CPAP: variants seen among roughly 807,000 people sequenced by gnomAD.
The protein encoded by CPAP is centrosomal P4.1-associated protein.
the CPAP span, among the ~76,000 whole-genome samples, chr13:24,923,244 G>GT: frequency 4.1e-3 from 593 of 146,374 alleles, 9 homozygotes; most frequent in Middle Eastern, 7.3e-3. Context: ...TTTGGGTTTT[G>GT]TTTTTTTTTT....
At chr13:24,905,210 T>C in the CPAP span, 1 of 818,436 alleles carries the variant, frequency 1.2e-6, no homozygotes, top group East Asian at 2.6e-5. Flanking sequence ...AAATCAAATT[T>C]TTACAAATCA....
the CPAP span, among the ~76,000 whole-genome samples, chr13:24,913,502 A>G: frequency 6.6e-6 from 1 of 152,058 alleles, no homozygotes; most frequent in African/African-American, 2.4e-5. Context: ...TTTTCTCCCT[A>G]GTTCTAGCAC....
the CPAP span, among the ~76,000 whole-genome samples, chr13:24,895,646 G>A: frequency 7.5e-3 from 1,144 of 152,310 alleles, 15 homozygotes; most frequent in African/African-American, 0.025. Flanking sequence ...TAAATAACCC[G>A]TTGTTCCAGA....
the CPAP span, chr13:24,889,394 A>C: frequency 1.2e-6 from 2 of 1,600,316 alleles, no homozygotes; most frequent in Admixed American, 3.3e-5. Flanking sequence ...AATCGAACAG[A>C]TGTGTTCTAT....
the CPAP span, among the ~76,000 whole-genome samples, chr13:24,894,992 G>C: frequency 1.3e-5 from 2 of 152,222 alleles, no homozygotes; most frequent in African/African-American, 4.8e-5. Flanking sequence ...ATCCGCGGCT[G>C]GGGCGCAGAC....
the CPAP span, chr13:24,884,275 T>C: frequency 1.9e-6 from 3 of 1,613,986 alleles, no homozygotes; most frequent in African/African-American, 4.0e-5. Context: ...GTCTGCCTTT[T>C]CTCCAGAGAT....
the CPAP span, among the ~76,000 whole-genome samples, chr13:24,923,566 G>A: frequency 6.6e-6 from 1 of 152,094 alleles, no homozygotes; most frequent in African/African-American, 2.4e-5. Context: ...TTTAATCTAG[G>A]AAGTTACAGC....
At chr13:24,912,433 T>C in the CPAP span, 1 of 689,154 alleles carries the variant, frequency 1.5e-6, no homozygotes, top group Non-Finnish European at 2.4e-6. Flanking sequence ...CACACTTAAA[T>C]GTTTCACATT....
At chr13:24,888,586 A>C in the CPAP span, among the ~76,000 whole-genome samples, 3 of 151,780 alleles carry the variant, frequency 2.0e-5, no homozygotes, top group African/African-American at 7.2e-5. Context: ...AGTAAAAAAA[A>C]CTGGTACAAC....
chr13:24,891,746 A>T, the CPAP span, among the ~76,000 whole-genome samples: 2 of 152,144 alleles, frequency 1.3e-5, no homozygotes, highest in African/African-American at 4.8e-5. Context: ...AGAGCCCTCC[A>T]GACTCCCACT....
chr13:24,904,925 T>C, the CPAP span, among the ~76,000 whole-genome samples: 1 of 152,218 alleles, frequency 6.6e-6, no homozygotes, highest in African/African-American at 2.4e-5. Flanking sequence ...GTACATGCGT[T>C]AGAACAATCT....
At chr13:24,899,339 C>A in the CPAP span, 3 of 1,135,912 alleles carry the variant, frequency 2.6e-6, no homozygotes, top group Non-Finnish European at 3.9e-6. Flanking sequence ...TTTGCTTTGA[C>A]ATAAGAAATA....
the CPAP span, among the ~76,000 whole-genome samples, chr13:24,895,123 G>C: frequency 1.3e-5 from 2 of 152,258 alleles, no homozygotes; most frequent in South Asian, 4.1e-4. Context: ...AAAACGGGAA[G>C]AAAGCGCAGA....
At chr13:24,886,227 C>T in the CPAP span, 3 of 972,080 alleles carry the variant, frequency 3.1e-6, no homozygotes, top group South Asian at 1.3e-5. Context: ...ATATTGTAAA[C>T]ACTCAACTTG....
the CPAP span, among the ~76,000 whole-genome samples, chr13:24,898,668 A>G: frequency 7.2e-5 from 11 of 152,350 alleles, no homozygotes; most frequent in East Asian, 1.9e-3. Flanking sequence ...ATGCTATTCA[A>G]TAACTCAAGC....
At chr13:24,912,739 T>C in the CPAP span, 3,702 of 1,614,202 alleles carry the variant, frequency 2.3e-3, 70 homozygotes, top group African/African-American at 0.037. Flanking sequence ...AAAGGCTGTA[T>C]GGGTTTCAGA....
chr13:24,911,961 G>A, the CPAP span: 1 of 1,614,058 alleles, frequency 6.2e-7, no homozygotes, highest in East Asian at 2.2e-5. Context: ...AGTGTGCACT[G>A]CCCAGACACC....
the CPAP span, among the ~76,000 whole-genome samples, chr13:24,904,288 G>C: frequency 2.6e-5 from 4 of 152,150 alleles, no homozygotes; most frequent in Non-Finnish European, 5.9e-5. Context: ...GTATCGACCT[G>C]ACAAGGAATC....
chr13:24,899,249 C>A, the CPAP span, among the ~76,000 whole-genome samples: 1 of 152,308 alleles, frequency 6.6e-6, no homozygotes, highest in Non-Finnish European at 1.5e-5. Flanking sequence ...CTTTAAAAGT[C>A]AGACTACCAA....
Sources: allele counts gnomAD v4.1 joint callset (sites outside exome capture counted in the v4.1 genomes callset), GRCh38; gene constraint gnomAD v4.1.1; transcripts MANE v1.5; gene names NCBI Gene and HGNC (gene_info 2026-07-23, HGNC 2026-07-21).